The following ARFGAP1 variants were observed in gnomAD, a reference collection of about 807,000 sequenced individuals.
ARFGAP1 encodes the protein ADP-ribosylation factor GTPase-activating protein 1.
In ARFGAP1, 26 loss-of-function variants were observed where a neutral mutation model predicts 54.0. That is an observed-to-expected ratio of 0.48 (90% CI 0.35 to 0.67). ARFGAP1 has a LOEUF of 0.67. Among genes scored for constraint, ARFGAP1 ranks in the 30% least tolerant of loss-of-function variants. The probability of loss-of-function intolerance (pLI) is 0.00; values close to 1 mark genes in which losing one functional copy is unlikely to be tolerated. For missense variants in ARFGAP1, 525 were observed against 535.8 expected (o/e 0.98, Z 0.20); for synonymous variants, 248 against 211.9 (o/e 1.17, Z -1.48).
chr20:63,287,673 C>T lies in ARFGAP1; in HGVS notation c.1021C>T (p.Arg341Cys), dbSNP rs138744663. ...TFGSAEPTKT[R>C]KSPSSDSWTC... The stretch of plus-strand genomic sequence containing the variant: ...TGGAAGTGCTGAGCCCACCAAGACC[C>T]GCAAGTCCCCGAGCAGCGACAGCTG... Residue 341 changes from arginine (R) to cysteine (C), a missense_variant, in exon 13 of 13, where the codon CGC (arginine) becomes TGC (cysteine). Physicochemically the swap from Arg to Cys is radical, Grantham distance 180. Coordinates refer to ENST00000370283, the MANE Select transcript of ARFGAP1 (RefSeq NM_018209.4). The T allele has an allele frequency of 4.4e-5, 71 of 1,612,426 alleles. No individual in the cohort carries two copies. Among genetic ancestry groups the T allele is most frequent in the African/African-American group, 6.7e-5 (5 of 74,916 alleles).
chr20:63,274,361 G>T (rs1283117316), intron 1 of ARFGAP1, among the ~76,000 whole-genome samples: 1 of 123,842 alleles, frequency 8.1e-6, no homozygotes, highest in African/African-American at 3.2e-5. Flanking sequence ...GGATACTTAA[G>T]ATTAGAAATG....
chr20:63,285,633 C>G (rs1461928059), intron 10 of ARFGAP1, 21 bp from the exon 11 acceptor site: 8 of 1,612,766 alleles, frequency 5.0e-6, no homozygotes, highest in Admixed American at 3.3e-5. Context: ...CCCATTAATG[C>G]CGCTGTCTTC....
intron 8 of ARFGAP1, among the ~76,000 whole-genome samples, chr20:63,281,995 C>T (rs973455174): frequency 6.6e-6 from 1 of 152,168 alleles, no homozygotes; most frequent in African/African-American, 2.4e-5. Flanking sequence ...ACGGTGCGCA[C>T]CTGTCAGATG....
intron 5 of ARFGAP1, 83 bp from the exon 6 acceptor site, chr20:63,278,034 C>T: frequency 7.6e-7 from 1 of 1,313,792 alleles, no homozygotes; most frequent in Non-Finnish European, 1.1e-6. Flanking sequence ...CCCACGTAGG[C>T]CACATGGTTC....
chr20:63,275,688 G>T, intron 2 of ARFGAP1, 48 bp downstream of exon 2: 3 of 1,578,230 alleles, frequency 1.9e-6, no homozygotes, highest in Non-Finnish European at 2.6e-6. Flanking sequence ...GTCAGGGTCA[G>T]TGAGTTCCGG....
chr20:63,283,743 C>T, intron 9 of ARFGAP1: 1 of 1,234,966 alleles, frequency 8.1e-7, no homozygotes. Context: ...CTGCCCGGTG[C>T]TGCCTTAGTG....
In ARFGAP1 at chr20:63,276,660, G is replaced by T; in HGVS notation, c.342+9G>T. The T allele has an allele frequency of 1.3e-6, 2 of 1,596,066 alleles. No homozygotes were observed. The highest frequency in any genetic ancestry group is 1.7e-6 in the Non-Finnish European group (2 of 1,169,850). On this transcript the variant is annotated intron_variant, in intron 4 of 12. Transcript: ENST00000370283. This position sits in a 1 kb window ranked among gnomAD's most constrained non-coding sequence, Gnocchi z 5.2. ...CCCTCTTTAGGGATAAGGTAGAGAT[G>T]GGCCCGATTCACTCTTGCCCATGGT...
rs199789968 is a variant in ARFGAP1, at chr20:63,287,827, C to T, written c.1175C>T (p.Pro392Leu). 5.4e-5 allele frequency: 86 copies of T among 1,578,284 alleles called. 1 individual carries two copies. The African/African-American group carries it at 8.1e-4, about 15-fold the overall frequency. ...GGGGAGGGCACCAAGAAGGCAGTGC[C>T]GCCGGCCGTGCCCACTGATGATGGC... is the stretch of plus-strand genomic sequence containing the variant. The part of the protein sequence containing the change: ...EGGEGTKKAV[P>L]PAVPTDDGWD... The change falls in exon 13 of 13, where the codon CCG becomes CTG. Residue 392 changes from proline to leucine, a missense_variant. Physicochemically the swap from Pro to Leu is moderately conservative, Grantham distance 98. Coordinates refer to ENST00000370283, the MANE Select transcript of ARFGAP1 (RefSeq NM_018209.4).
intron 9 of ARFGAP1, 198 bp downstream of exon 9, chr20:63,283,049 A>G (rs112503801): frequency 1.7e-6 from 1 of 601,862 alleles, no homozygotes; most frequent in Non-Finnish European, 2.9e-6. Flanking sequence ...GGACCCACTC[A>G]GGGCCTGCAG....
In ARFGAP1 at chr20:63,282,700, C is replaced by T. The variant is rs910652113; in HGVS notation, c.685-119C>T. On this transcript the variant is annotated intron_variant, in intron 8 of 12. Coordinates refer to ENST00000370283, the MANE Select transcript of ARFGAP1 (RefSeq NM_018209.4). Reference sequence around the variant, plus strand: ...CAGAGTTATAGGGCCCGCCCAGAGCCGCTGGCAGCCCGGGGGCCATTGAGA... The same window carrying T: ...CAGAGTTATAGGGCCCGCCCAGAGCTGCTGGCAGCCCGGGGGCCATTGAGA... 2.8e-5 allele frequency: 28 copies of T among 1,006,118 alleles called. No homozygotes were observed. The Admixed American group carries it at 3.1e-4, about 11-fold the overall frequency. 62.3% of individuals were successfully genotyped at this position (1,006,118 alleles called of 1,614,324 possible). A position where few individuals can be genotyped will look rare whatever the true frequency, so the allele number is the denominator to read the frequency against.
chr20:63,288,242 C>G lies in ARFGAP1; in HGVS notation c.*369C>G. The G allele has an allele frequency of 1.8e-6, 1 of 541,022 alleles. No individual in the cohort carries two copies. Among genetic ancestry groups the G allele is most frequent in the South Asian group, 1.5e-5 (1 of 64,610 alleles). The allele number at this position is 541,022 out of a possible 1,614,324, so 33.5% of individuals were successfully genotyped here. A position where few individuals can be genotyped will look rare whatever the true frequency, so the allele number is the denominator to read the frequency against. On this transcript the variant is annotated 3_prime_UTR_variant, in exon 13 of 13. Transcript: ENST00000370283. ...TATCTCTGGGGCCTGGGACCAGCCA[C>G]GTGCCGAGCTGTCAGCGACGTGAGG...
At chr20:63,277,841 T>A (rs978991144) in intron 5 of ARFGAP1, among the ~76,000 whole-genome samples, 1 of 152,228 alleles carries the variant, frequency 6.6e-6, no homozygotes, top group Non-Finnish European at 1.5e-5. Flanking sequence ...CCCTCGGCCC[T>A]CTTGCCTCAC....
chr20:63,282,945 C>T (rs1601356218), intron 9 of ARFGAP1, 94 bp downstream of exon 9: 8 of 1,373,182 alleles, frequency 5.8e-6, no homozygotes, highest in South Asian at 1.2e-5. Context: ...GTTCCCTCTT[C>T]TCAGGCCACA....
rs977400200 is a variant in ARFGAP1 at position 63,288,052 on chromosome 20, C to A, written c.*179C>A. 1 of 742,024 alleles carries A rather than the reference C, an allele frequency of 1.3e-6. No individual in the cohort carries two copies. The highest frequency in any genetic ancestry group is 1.9e-5 in the South Asian group (1 of 53,410). 46.0% of individuals were successfully genotyped at this position (742,024 alleles called of 1,614,324 possible). The stretch of plus-strand genomic sequence containing the variant: ...GCGCCGCCTGCGCGTGGGGAGTCTT[C>A]GGTGCGTGGGGGCGGCTTGCTGTCC... On this transcript the variant is annotated 3_prime_UTR_variant, in exon 13 of 13. Transcript: ENST00000370283.
chr20:63,276,076 G>A lies in ARFGAP1; in HGVS notation c.61-15G>A. 1.9e-6 allele frequency: 3 copies of A among 1,612,998 alleles called. No homozygotes were observed. Among genetic ancestry groups the A allele is most frequent in the Non-Finnish European group, 2.5e-6 (3 of 1,179,268 alleles). ...CCCTGAGCCACCTGGTGAGTCACTTGTGGCCCCTTTGCAGGTTTGTTTTGA... is the reference window on the plus strand; with the variant it reads ...CCCTGAGCCACCTGGTGAGTCACTTATGGCCCCTTTGCAGGTTTGTTTTGA... On this transcript the variant is annotated splice_polypyrimidine_tract_variant and intron_variant, in intron 2 of 12. Transcript: ENST00000370283. The surrounding 1 kb of genome is among the most constrained non-coding windows in gnomAD (Gnocchi z 5.2).
intron 12 of ARFGAP1, chr20:63,286,844 T>G: frequency 4.7e-6 from 1 of 214,312 alleles, no homozygotes; most frequent in Non-Finnish European, 9.5e-6. Flanking sequence ...AGACTCTGGG[T>G]GGATGGAGCA....
At chr20:63,279,273 T>C in intron 7 of ARFGAP1, 1 of 527,856 alleles carries the variant, frequency 1.9e-6, no homozygotes, top group South Asian at 1.6e-5. Flanking sequence ...TGGTGCGACC[T>C]CAGCTCACTG....
Sources: gnomAD v4.1 joint callset for allele counts (sites outside exome capture counted in the v4.1 genomes callset) on GRCh38, gnomAD v4.1.1 for gene constraint, Gnocchi (gnomAD v3.1) non-coding constraint, MANE v1.5 for transcripts, NCBI Gene and HGNC (gene_info 2026-07-23, HGNC 2026-07-21) for gene names.